Variants in EYS observed in about 807,000 individuals in gnomAD.
The protein encoded by EYS is protein eyes shut homolog.
A neutral mutation model predicts 282.1 loss-of-function variants in EYS; 250 were observed. The ratio of observed to expected loss-of-function variants is 0.89; its 90% confidence interval spans 0.80 to 0.98. The LOEUF (loss-of-function observed/expected upper bound fraction) is 0.98. Among genes scored for constraint, EYS ranks in the 50% least tolerant of loss-of-function variants. The pLI is 0.00. For missense variants in EYS, 4,016 were observed against 3,709.0 expected (o/e 1.08, Z -2.15); for synonymous variants, 1,355 against 1,282.9 (o/e 1.06, Z -1.20).
At chr6:64,438,084 G>A (rs1049719740) in intron 27 of EYS, among the ~76,000 whole-genome samples, 2 of 151,694 alleles carry the variant, frequency 1.3e-5, no homozygotes, top group African/African-American at 4.8e-5. Context: ...ATTTGTTAAG[G>A]TAGAATGATG....
chr6:64,184,959 T>C (rs1764889869), intron 31 of EYS, among the ~76,000 whole-genome samples: 1 of 151,860 alleles, frequency 6.6e-6, no homozygotes. Flanking sequence ...CATTAGAAAG[T>C]GGGGTATCTG....
intron 31 of EYS, among the ~76,000 whole-genome samples, chr6:64,200,104 C>T (rs889445648): frequency 2.0e-5 from 3 of 152,070 alleles, no homozygotes; most frequent in African/African-American, 7.2e-5. Flanking sequence ...ATAATCCCAA[C>T]TATATGAGAG....
At chr6:64,520,860 T>C (rs920162347) in intron 26 of EYS, among the ~76,000 whole-genome samples, 1 of 151,624 alleles carries the variant, frequency 6.6e-6, no homozygotes, top group African/African-American at 2.4e-5. Flanking sequence ...TAGGATTTGA[T>C]CAGGAAAAGA....
intron 22 of EYS, among the ~76,000 whole-genome samples, chr6:64,658,573 G>T (rs1424130780): frequency 1.3e-5 from 2 of 152,226 alleles, no homozygotes; most frequent in Non-Finnish European, 2.9e-5. Flanking sequence ...TCTTCTAACA[G>T]TCAGGACCCT....
intron 29 of EYS, among the ~76,000 whole-genome samples, chr6:64,331,852 T>C (rs1770658430): frequency 1.3e-5 from 2 of 152,238 alleles, no homozygotes; most frequent in African/African-American, 4.8e-5. Context: ...AGCCAGAGGC[T>C]ACTGGTACAT....
Position 63,721,434 on chromosome 6 carries a change from T to C in EYS, c.8597A>G (p.Lys2866Arg). ...ACAGTCACCTACATTTGAGCCACCTTTTGCTCCAAATTCAGTTAATTGTAA... is the reference window on the plus strand; with the variant it reads ...ACAGTCACCTACATTTGAGCCACCTCTTGCTCCAAATTCAGTTAATTGTAA... ...QELQLTEFGA[K>R]GGSNVGDCDG... Residue 2866 changes from lysine (K) to arginine (R), a missense_variant, in exon 43 of 43, where the codon AAA becomes AGA. Transcript: ENST00000503581. The C allele has an allele frequency of 6.4e-7, 1 of 1,551,684 alleles. No individual in the cohort carries two copies. Among genetic ancestry groups the C allele is most frequent in the Non-Finnish European group, 8.7e-7 (1 of 1,146,930 alleles).
intron 29 of EYS, among the ~76,000 whole-genome samples, chr6:64,327,475 AATGTAG>A: frequency 6.6e-6 from 1 of 152,258 alleles, no homozygotes; most frequent in Middle Eastern, 3.4e-3. Flanking sequence ...GCCATCTTTT[AATGTAG>A]GGTAGCTGGC....
At chr6:64,894,670 T>A (rs1223396184) in intron 18 of EYS, among the ~76,000 whole-genome samples, 1 of 152,140 alleles carries the variant, frequency 6.6e-6, no homozygotes, top group Non-Finnish European at 1.5e-5. Flanking sequence ...GTGTATCTTT[T>A]TGAAGACTTC....
At chr6:64,395,881 T>C (rs996817879) in intron 28 of EYS, among the ~76,000 whole-genome samples, 1 of 152,128 alleles carries the variant, frequency 6.6e-6, no homozygotes, top group African/African-American at 2.4e-5. Flanking sequence ...TTCTGTTCCA[T>C]GAATATGTGA....
intron 36 of EYS, among the ~76,000 whole-genome samples, chr6:63,863,670 T>TTTCTTTTCTTTTCTTTTC (rs4034985): frequency 1.2e-3 from 82 of 71,264 alleles, no homozygotes; most frequent in South Asian, 2.0e-3. Context: ...TTTCTTTTCT[T>TTTCTTTTCTTTTCTTTTC]TTTTCTTTTT....
At chr6:65,190,268 T>G (rs909287521) in intron 12 of EYS, among the ~76,000 whole-genome samples, 3 of 148,058 alleles carry the variant, frequency 2.0e-5, no homozygotes, top group African/African-American at 7.4e-5. Context: ...AATTTATATA[T>G]TTATATGTTA....
At chr6:65,282,802 T>C (rs1325055354) in intron 12 of EYS, among the ~76,000 whole-genome samples, 2 of 152,002 alleles carry the variant, frequency 1.3e-5, no homozygotes, top group Admixed American at 6.6e-5. Context: ...GCTCTATAAC[T>C]ATAATGTTTT....
At chr6:65,156,951 GC>G (rs1284653595) in intron 12 of EYS, among the ~76,000 whole-genome samples, 1 of 150,714 alleles carries the variant, frequency 6.6e-6, no homozygotes, top group Non-Finnish European at 1.5e-5. Flanking sequence ...TTCTATTTTA[GC>G]CACTCAATTC....
chr6:64,725,705 G>A (rs544252808), intron 22 of EYS, among the ~76,000 whole-genome samples: 3 of 151,924 alleles, frequency 2.0e-5, no homozygotes, highest in Admixed American at 1.3e-4. Context: ...CCAGCACAGA[G>A]GAAGCAGGAG....
intron 29 of EYS, among the ~76,000 whole-genome samples, chr6:64,338,477 T>C (rs1397710730): frequency 6.6e-6 from 1 of 151,832 alleles, no homozygotes; most frequent in Non-Finnish European, 1.5e-5. Context: ...AAAGAAATCG[T>C]AGACAACACA....
intron 37 of EYS, among the ~76,000 whole-genome samples, chr6:63,793,471 G>A (rs769589359): frequency 1.3e-5 from 2 of 152,208 alleles, no homozygotes; most frequent in Non-Finnish European, 2.9e-5. Context: ...GATTTTGCAT[G>A]TGCATTAAAT....
At chr6:65,142,635 T>C (rs960330820) in intron 12 of EYS, among the ~76,000 whole-genome samples, 2 of 151,690 alleles carry the variant, frequency 1.3e-5, no homozygotes, top group Non-Finnish European at 2.9e-5. Context: ...CAACTTCCTG[T>C]TACTCTATAG....
chr6:65,051,039 A>G (rs925094692), intron 13 of EYS, among the ~76,000 whole-genome samples: 3 of 151,622 alleles, frequency 2.0e-5, no homozygotes, highest in African/African-American at 7.2e-5. Flanking sequence ...AGCAGATAAG[A>G]CATTTGCTTT....
chr6:64,461,828 T>A (rs1192185747), intron 26 of EYS, among the ~76,000 whole-genome samples: 2 of 152,212 alleles, frequency 1.3e-5, no homozygotes, highest in Admixed American at 6.5e-5. Flanking sequence ...ATTTTCAATA[T>A]GATAATTTTG....
Sources: gnomAD v4.1 joint callset for allele counts (sites outside exome capture counted in the v4.1 genomes callset) on GRCh38, gnomAD v4.1.1 for gene constraint, MANE v1.5 for transcripts, NCBI Gene and HGNC (gene_info 2026-07-23, HGNC 2026-07-21) for gene names.